Variants in GABRB3 observed in about 807,000 individuals in gnomAD.
The protein encoded by GABRB3 is gamma-aminobutyric acid type A receptor subunit beta3, also known as gamma-aminobutyric acid receptor subunit beta-3.
In GABRB3, 14 loss-of-function variants were observed where a neutral mutation model predicts 52.1. The observed-to-expected ratio is 0.27, with a 90% confidence interval of 0.18 to 0.42. The LOEUF (loss-of-function observed/expected upper bound fraction) is 0.42, where lower values mean the gene tolerates loss of function less well. Ranked by LOEUF, GABRB3 falls within the 10% of genes least tolerant of loss-of-function variation. GABRB3 has a pLI of 1.00. For missense variants in GABRB3, 307 were observed against 609.1 expected (o/e 0.50, Z 5.22); for synonymous variants, 260 against 232.3 (o/e 1.12, Z -1.08).
chr15:26,677,852 C>G (rs547225630), intron 3 of GABRB3, among the ~76,000 whole-genome samples: 1 of 152,214 alleles, frequency 6.6e-6, no homozygotes, highest in African/African-American at 2.4e-5. Context: ...TAAAACTGTC[C>G]TCCCAATTTC....
intron 3 of GABRB3, among the ~76,000 whole-genome samples, chr15:26,640,126 T>C (rs1002864632): frequency 1.3e-5 from 2 of 152,190 alleles, no homozygotes; most frequent in East Asian, 1.9e-4. Flanking sequence ...CATATTCAAA[T>C]GAGCTCGAGG....
chr15:26,716,421 C>T (rs967021065), intron 3 of GABRB3, among the ~76,000 whole-genome samples: 1 of 152,170 alleles, frequency 6.6e-6, no homozygotes, highest in African/African-American at 2.4e-5. Context: ...CATTCGAGTC[C>T]CTCAGAGCTA....
At chr15:26,606,734 ATATC>A (rs1317250122) in intron 4 of GABRB3, among the ~76,000 whole-genome samples, 1 of 151,616 alleles carries the variant, frequency 6.6e-6, no homozygotes, top group Non-Finnish European at 1.5e-5. Flanking sequence ...GCAATCATAT[ATATC>A]TGTCATATAT....
At chr15:26,668,820 T>A (rs924216275) in intron 3 of GABRB3, among the ~76,000 whole-genome samples, 6 of 152,192 alleles carry the variant, frequency 3.9e-5, no homozygotes, top group African/African-American at 1.4e-4. Flanking sequence ...AGTCCCATAC[T>A]CCCCAAGGTT....
At chr15:26,715,521 TGCC>T (rs1255035059) in intron 3 of GABRB3, among the ~76,000 whole-genome samples, 8 of 152,024 alleles carry the variant, frequency 5.3e-5, no homozygotes, top group Non-Finnish European at 7.4e-5. Context: ...AGTCCTTAAG[TGCC>T]GAGGCAGGAA....
At chr15:26,622,606 C>T (rs1040056172) in intron 3 of GABRB3, among the ~76,000 whole-genome samples, 3 of 152,186 alleles carry the variant, frequency 2.0e-5, no homozygotes, top group African/African-American at 7.2e-5. Flanking sequence ...TTGTGGACAG[C>T]GAGAGATGGA....
intron 3 of GABRB3, among the ~76,000 whole-genome samples, chr15:26,672,162 T>C (rs1210025742): frequency 1.3e-5 from 2 of 152,160 alleles, no homozygotes; most frequent in African/African-American, 2.4e-5. Flanking sequence ...CACAGTGACA[T>C]AGGATTATTT....
intron 3 of GABRB3, among the ~76,000 whole-genome samples, chr15:26,728,986 AACAC>A (rs1256987982): frequency 6.6e-6 from 1 of 152,228 alleles, no homozygotes; most frequent in Non-Finnish European, 1.5e-5. Context: ...GCATAACAGA[AACAC>A]CCTTATACTG....
At chr15:26,615,873 T>C (rs1381189074) in intron 4 of GABRB3, 1 of 1,247,090 alleles carries the variant, frequency 8.0e-7, no homozygotes, top group Non-Finnish European at 1.0e-6. Context: ...ATACAGCCAG[T>C]CCAACCAGTA....
rs373823173 is a variant in GABRB3 at position 26,548,056 on chromosome 15, C to T, written c.1159G>A (p.Asp387Asn). The T allele has an allele frequency of 1.1e-5, 18 of 1,614,050 alleles. No individual in the cohort carries two copies. The highest frequency in any genetic ancestry group is 5.0e-5 in the Admixed American group (3 of 60,006). ...EMNEVSGGIG[D>N]TRNSAISFDN... ...AAGGATATTGCTGAATTCCTGGTAT[C>T]GCCAATGCCGCCTGAGACCTCATTC... The change falls in exon 9 of 9, where the codon GAT (aspartate) becomes AAT (asparagine). Residue 387 changes from aspartate to asparagine, a missense_variant. Physicochemically the swap from Asp to Asn is conservative, Grantham distance 23 (BLOSUM62 1). This residue lies in a region of GABRB3 where 115 missense variants were observed against 166.9 expected (regional missense o/e 0.69). Transcript: ENST00000311550.
chr15:26,571,632 G>A (rs1347192615), intron 6 of GABRB3, among the ~76,000 whole-genome samples: 1 of 151,994 alleles, frequency 6.6e-6, no homozygotes, highest in African/African-American at 2.4e-5. Context: ...ACAAACACTT[G>A]GACGATCATT....
chr15:26,627,750 T>C (rs1300025113), intron 3 of GABRB3, among the ~76,000 whole-genome samples: 2 of 152,222 alleles, frequency 1.3e-5, no homozygotes, highest in Non-Finnish European at 2.9e-5. Context: ...AATCTACTCC[T>C]GGTGAGGATG....
At chr15:26,685,227 G>T (rs1472646182) in intron 3 of GABRB3, among the ~76,000 whole-genome samples, 2 of 152,272 alleles carry the variant, frequency 1.3e-5, no homozygotes, top group Non-Finnish European at 2.9e-5. Context: ...AACCCTCTCA[G>T]ATGAAGCCCC....
chr15:26,643,677 G>C (rs779100190), intron 3 of GABRB3, among the ~76,000 whole-genome samples: 2 of 151,884 alleles, frequency 1.3e-5, no homozygotes, highest in Non-Finnish European at 2.9e-5. Flanking sequence ...TGACACACGG[G>C]AAGTCCCCGT....
chr15:26,585,125 T>C (rs1890933197), intron 4 of GABRB3, among the ~76,000 whole-genome samples: 2 of 152,288 alleles, frequency 1.3e-5, no homozygotes, highest in Non-Finnish European at 2.9e-5. Flanking sequence ...GCGGGTGGCC[T>C]TGCTGAATGT....
At chr15:26,768,445 T>G (rs1377320827) in intron 3 of GABRB3, among the ~76,000 whole-genome samples, 1 of 152,196 alleles carries the variant, frequency 6.6e-6, no homozygotes, top group Non-Finnish European at 1.5e-5. Flanking sequence ...ACTCATATTT[T>G]AAAATACTGT....
chr15:26,552,084 G>A (rs950963556), intron 8 of GABRB3, among the ~76,000 whole-genome samples: 1 of 151,444 alleles, frequency 6.6e-6, no homozygotes, highest in African/African-American at 2.4e-5. Flanking sequence ...TCAGCTCACC[G>A]CAACCTCCTC....
intron 3 of GABRB3, chr15:26,629,091 G>C: frequency 6.5e-7 from 1 of 1,535,886 alleles, no homozygotes; most frequent in South Asian, 1.2e-5. Flanking sequence ...AGTTGTGACT[G>C]TCGCTTCCTC....
rs1325124119 is a variant in GABRB3 at position 26,621,341 on chromosome 15, G to C, written c.434C>G (p.Pro145Arg). The C allele has an allele frequency of 6.2e-7, 1 of 1,613,770 alleles. No homozygotes were observed. Among genetic ancestry groups the C allele is most frequent in the Admixed American group, 1.7e-5 (1 of 59,998 alleles). Residue 145 changes from proline to arginine, a missense_variant, in exon 4 of 9, where the codon CCT (proline) becomes CGT (arginine). By Grantham distance (103) the Pro-to-Arg change is moderately radical. This residue lies in a region of GABRB3 where 16 missense variants were observed against 102.6 expected (regional missense o/e 0.16). Transcript: ENST00000311550. This position sits in a 1 kb window ranked among gnomAD's most constrained non-coding sequence, Gnocchi z 4.1. ...GAGCCCATACAGCACTGTCCCATCA[G>C]GGTGAAGACGGATCATGCGGTTTTT... ...TVKNRMIRLH[P>R]DGTVLYGLRI...
Sources: gnomAD v4.1 joint callset for allele counts (sites outside exome capture counted in the v4.1 genomes callset) on GRCh38, gnomAD v4.1.1 for gene constraint, gnomAD v4.1.1 regional missense constraint, Gnocchi (gnomAD v3.1) non-coding constraint, MANE v1.5 for transcripts, NCBI Gene and HGNC (gene_info 2026-07-23, HGNC 2026-07-21) for gene names.